MYH9: variants seen among roughly 807,000 people sequenced by gnomAD.
MYH9 encodes the protein myosin-9.
A neutral mutation model predicts 241.9 loss-of-function variants in MYH9; 29 were observed. That is an observed-to-expected ratio of 0.12 (90% CI 0.09 to 0.16). The LOEUF is 0.16. Among genes scored for constraint, MYH9 ranks in the 10% least tolerant of loss-of-function variants. The pLI, the probability that MYH9 is intolerant of heterozygous loss-of-function variation, is 1.00. For synonymous variants in MYH9, 1,047 were observed against 1,062.6 expected, an observed-to-expected ratio of 0.99 and a Z score of 0.29; for missense variants, 1,803 against 2,595.5, an observed-to-expected ratio of 0.69 and a Z score of 6.63.
chr22:36,335,505 C>T (rs1272810160), intron 3 of MYH9, among the ~76,000 whole-genome samples: 2 of 152,224 alleles, frequency 1.3e-5, no homozygotes, highest in Admixed American at 6.5e-5. Flanking sequence ...CTGCCTGTCC[C>T]GGTGAGTCGA....
Position 36,282,587 on chromosome 22 carries a change from G to C in MYH9, c.*81C>G. ...GTTCACAGCAGTCCCAAGAAGGTGG[G>C]GAGAGGCGTGCTGCGGGGTCTGGGA... On this transcript the variant is annotated 3_prime_UTR_variant, in exon 41 of 41. Transcript: ENST00000216181. The C allele has an allele frequency of 7.8e-7, 1 of 1,277,666 alleles. No homozygotes were observed. 79.1% of individuals were successfully genotyped at this position (1,277,666 alleles called of 1,614,324 possible).
At chr22:36,343,678 A>G (rs551381837) in intron 2 of MYH9, among the ~76,000 whole-genome samples, 1 of 152,184 alleles carries the variant, frequency 6.6e-6, no homozygotes, top group South Asian at 2.1e-4. Flanking sequence ...TTTCCCTCCA[A>G]CTGCTCTTTT....
chr22:36,338,931 T>C (rs964898589), intron 3 of MYH9, among the ~76,000 whole-genome samples: 1 of 152,218 alleles, frequency 6.6e-6, no homozygotes, highest in Non-Finnish European at 1.5e-5. Context: ...GACCCTGAAT[T>C]GCACAGATGT....
chr22:36,342,498 C>T (rs747786275), intron 2 of MYH9, among the ~76,000 whole-genome samples: 17 of 152,200 alleles, frequency 1.1e-4, no homozygotes, highest in Non-Finnish European at 1.8e-4. Flanking sequence ...TGTCCTTCCT[C>T]ATCTTCAGGT....
At position 36,306,931 on chromosome 22, in the gene MYH9, T is replaced by C. The variant is rs984311508; in HGVS notation, c.1844-324A>G. Among the ~76,000 whole-genome samples, 2 of 152,192 alleles carry C rather than the reference T, an allele frequency of 1.3e-5. No individual in the cohort carries two copies. The highest frequency in any genetic ancestry group is 1.5e-5 in the Non-Finnish European group (1 of 68,036). On this transcript the variant is annotated intron_variant, in intron 15 of 40. Transcript: ENST00000216181. The surrounding 1 kb of genome is among the most constrained non-coding windows in gnomAD (Gnocchi z 4.1). ...AGACTCAATGAAGCTAGTCATGTAT[T>C]TTGGAATAGTGAGAATTCTACTAGC...
At chr22:36,324,314 C>T (rs2017302354) in intron 5 of MYH9, among the ~76,000 whole-genome samples, 1 of 152,256 alleles carries the variant, frequency 6.6e-6, no homozygotes, top group Non-Finnish European at 1.5e-5. Flanking sequence ...TTTAATTTTT[C>T]AATGAAATCT....
chr22:36,299,735 G>A (rs2016844576), intron 23 of MYH9, among the ~76,000 whole-genome samples: 1 of 152,220 alleles, frequency 6.6e-6, no homozygotes, highest in African/African-American at 2.4e-5. Flanking sequence ...ATTCTCAAGA[G>A]GAATAGCTGC....
In MYH9 at chr22:36,295,353, G is replaced by A. The variant is rs2016771704; in HGVS notation, c.3485+152C>T. 4.0e-6 allele frequency: 3 copies of A among 754,860 alleles called. No individual in the cohort carries two copies. Among genetic ancestry groups the A allele is most frequent in the Admixed American group, 2.3e-5 (1 of 44,158 alleles). 46.8% of individuals were successfully genotyped at this position (754,860 alleles called of 1,614,324 possible). A position where few individuals can be genotyped will look rare whatever the true frequency, so the allele number is the denominator to read the frequency against. On this transcript the variant is annotated intron_variant, in intron 26 of 40. Transcript: ENST00000216181. The surrounding 1 kb of genome is among the most constrained non-coding windows in gnomAD (Gnocchi z 4.1). ...ACTTTCTACTCTGTAGAGAGAAACCGCTGAGGAACCAGCAGCTTCCATGCC... is the reference window on the plus strand; with the variant it reads ...ACTTTCTACTCTGTAGAGAGAAACCACTGAGGAACCAGCAGCTTCCATGCC...
At chr22:36,319,451 T>C (rs2017213925) in intron 10 of MYH9, 89 bp downstream of exon 10, 2 of 1,187,148 alleles carry the variant, frequency 1.7e-6, no homozygotes, top group Non-Finnish European at 2.5e-6. Context: ...AAGAATAGTG[T>C]CCGGAATTTC....
chr22:36,286,957 G>A, intron 34 of MYH9, 111 bp from the exon 35 acceptor site: 1 of 1,509,106 alleles, frequency 6.6e-7, no homozygotes, highest in Non-Finnish European at 9.1e-7. Context: ...ACTCAATGCT[G>A]TATTTAACCA....
intron 1 of MYH9, among the ~76,000 whole-genome samples, chr22:36,381,935 G>T (rs5756169): frequency 1.3e-5 from 2 of 152,138 alleles, no homozygotes; most frequent in Non-Finnish European, 2.9e-5. Flanking sequence ...CTAGAATATA[G>T]TCGGAAGGAG....
chr22:36,348,837 A>AACCCCCCCCCCCCCCC, intron 2 of MYH9, 67 bp downstream of exon 2: 3 of 539,146 alleles, frequency 5.6e-6, no homozygotes, highest in South Asian at 3.3e-5. Flanking sequence ...TGATGGGAAG[A>AACCCCCCCCCCCCCCC]CCCGCCCCCC....
At chr22:36,364,556 A>T (rs1212988481) in intron 1 of MYH9, among the ~76,000 whole-genome samples, 1 of 152,158 alleles carries the variant, frequency 6.6e-6, no homozygotes, top group African/African-American at 2.4e-5. Flanking sequence ...ACAATGGGCC[A>T]TAGCTTCTCT....
intron 1 of MYH9, among the ~76,000 whole-genome samples, chr22:36,378,058 T>C (rs952539861): frequency 6.6e-6 from 1 of 151,490 alleles, no homozygotes; most frequent in Non-Finnish European, 1.5e-5. Context: ...GTAGATTGCT[T>C]GAGCTCAGGA....
chr22:36,288,142 G>C lies in MYH9; in HGVS notation c.4932+110C>G. On this transcript the variant is annotated intron_variant, in intron 34 of 40. Coordinates refer to ENST00000216181, the MANE Select transcript of MYH9 (RefSeq NM_002473.6). This position sits in a 1 kb window ranked among gnomAD's most constrained non-coding sequence, Gnocchi z 4.8. ...GCTGGAAGCACCCAGGACCTTCCCA[G>C]GAGGTGCCACCCTGCCAGGTTCCCG... 7.3e-7 allele frequency: 1 copy of C among 1,366,282 alleles called. No homozygotes were observed. The highest frequency in any genetic ancestry group is 1.7e-5 in the Admixed American group (1 of 58,860). The allele number at this position is 1,366,282 out of a possible 1,614,324, so 84.6% of individuals were successfully genotyped here.
intron 12 of MYH9, among the ~76,000 whole-genome samples, chr22:36,315,598 A>C (rs971230135): frequency 6.6e-6 from 1 of 152,088 alleles, no homozygotes; most frequent in African/African-American, 2.4e-5. Flanking sequence ...AAATACAAAA[A>C]TTAGCCAGGT....
At position 36,296,846 on chromosome 22, in the gene MYH9, G is replaced by T. The variant is rs1176433838; in HGVS notation, c.3269C>A (p.Ala1090Asp). 1 of 1,608,818 alleles carries T rather than the reference G, an allele frequency of 6.2e-7. No homozygotes were observed. The change falls in exon 25 of 41, where the codon GCC (alanine) becomes GAC (aspartate). Residue 1090 changes from alanine to aspartate, a missense_variant. By Grantham distance (126) the Ala-to-Asp change is moderately radical. This residue lies in a region of MYH9 where 290 missense variants were observed against 360.5 expected (regional missense o/e 0.80). Transcript: ENST00000216181. ...GGCGGGCAGGCGGGGTCCTCACCTG[G>T]CCAGGGCGGCCTGGAGCTCCTCCTC... ...KKEEELQAAL[A>D]RVEEEAAQKN... is the part of the protein sequence containing the mutation.
At chr22:36,289,977 G>A (rs1022472917) in intron 31 of MYH9, among the ~76,000 whole-genome samples, 34 of 151,984 alleles carry the variant, frequency 2.2e-4, no homozygotes, top group African/African-American at 6.8e-4. Context: ...TCAGTCTATC[G>A]TTCCCTACAA....
intron 1 of MYH9, among the ~76,000 whole-genome samples, chr22:36,383,703 A>G (rs2018293914): frequency 6.6e-6 from 1 of 151,732 alleles, no homozygotes; most frequent in Admixed American, 6.6e-5. Flanking sequence ...CACGCCTGTA[A>G]TCCTAACACT....
Sources: gnomAD v4.1 joint callset for allele counts (sites outside exome capture counted in the v4.1 genomes callset) on GRCh38, gnomAD v4.1.1 for gene constraint, gnomAD v4.1.1 regional missense constraint, Gnocchi (gnomAD v3.1) non-coding constraint, MANE v1.5 for transcripts, NCBI Gene and HGNC (gene_info 2026-07-23, HGNC 2026-07-21) for gene names.